Variants in ADARB2 observed in about 807,000 individuals in gnomAD.
ADARB2 encodes inactive double-stranded RNA-specific editase B2.
A neutral mutation model predicts 62.2 loss-of-function variants in ADARB2; 25 were observed. The ratio of observed to expected loss-of-function variants is 0.40; its 90% confidence interval spans 0.29 to 0.56. The LOEUF (loss-of-function observed/expected upper bound fraction) is 0.56. Among genes scored for constraint, ADARB2 ranks in the 20% least tolerant of loss-of-function variants. The probability of loss-of-function intolerance (pLI) is 0.43; values close to 1 mark genes in which losing one functional copy is unlikely to be tolerated. For missense variants in ADARB2, 1,071 were observed against 1,077.4 expected (o/e 0.99, Z 0.08); for synonymous variants, 572 against 500.8 (o/e 1.14, Z -1.90).
chr10:1,599,746 T>G (rs967439321), intron 1 of ADARB2, among the ~76,000 whole-genome samples: 2 of 152,116 alleles, frequency 1.3e-5, no homozygotes, highest in Admixed American at 1.3e-4. Context: ...AACTTTGTTT[T>G]TTTTCTCTTT....
chr10:1,640,221 G>A (rs10903518), intron 1 of ADARB2, among the ~76,000 whole-genome samples: 80,383 of 151,604 alleles, frequency 0.53, 23,129 homozygotes, highest in Non-Finnish European at 0.65. Context: ...TAGAAGTCTC[G>A]TTTTCCTTGG....
At chr10:1,192,582 C>G (rs1433943864) in intron 8 of ADARB2, among the ~76,000 whole-genome samples, 1 of 152,208 alleles carries the variant, frequency 6.6e-6, no homozygotes, top group Non-Finnish European at 1.5e-5. Flanking sequence ...ATAAAAAGTA[C>G]TATGGAGGCT....
intron 3 of ADARB2, among the ~76,000 whole-genome samples, chr10:1,329,162 C>T (rs1486931471): frequency 2.6e-5 from 4 of 152,196 alleles, no homozygotes; most frequent in Non-Finnish European, 5.9e-5. Context: ...CAAAGCACTG[C>T]GATATTACAT....
chr10:1,490,087 G>C (rs1831601281), intron 1 of ADARB2, among the ~76,000 whole-genome samples: 1 of 152,132 alleles, frequency 6.6e-6, no homozygotes, highest in Admixed American at 6.5e-5. Context: ...GCTGTCATCA[G>C]AGAATACATG....
intron 1 of ADARB2, among the ~76,000 whole-genome samples, chr10:1,544,532 C>G (rs540451626): frequency 1.7e-4 from 26 of 152,206 alleles, no homozygotes; most frequent in African/African-American, 6.3e-4. Flanking sequence ...GCAGGGTCTG[C>G]AGGGTTGGAG....
intron 1 of ADARB2, among the ~76,000 whole-genome samples, chr10:1,727,843 G>C (rs574107247): frequency 3.5e-4 from 53 of 152,272 alleles, no homozygotes; most frequent in Admixed American, 1.8e-3. Context: ...CTCACTCTTT[G>C]CCTGTCTCAC....
At chr10:1,684,583 TAACTA>T (rs1834577789) in intron 1 of ADARB2, among the ~76,000 whole-genome samples, 1 of 152,246 alleles carries the variant, frequency 6.6e-6, no homozygotes, top group African/African-American at 2.4e-5. Flanking sequence ...TCTTGTCCCT[TAACTA>T]AAGGTTTATA....
intron 3 of ADARB2, among the ~76,000 whole-genome samples, chr10:1,273,244 G>A (rs2131800211): frequency 6.6e-6 from 1 of 152,318 alleles, no homozygotes; most frequent in South Asian, 2.1e-4. Context: ...TGCTGTCAAG[G>A]GAGAGCGTGA....
intron 1 of ADARB2, among the ~76,000 whole-genome samples, chr10:1,718,026 A>G (rs556384404): frequency 1.9e-4 from 29 of 152,268 alleles, no homozygotes; most frequent in African/African-American, 6.7e-4. Flanking sequence ...TCACAAGCCT[A>G]TGAATAATAT....
intron 3 of ADARB2, among the ~76,000 whole-genome samples, chr10:1,311,143 T>A (rs529216321): frequency 6.6e-6 from 1 of 152,254 alleles, no homozygotes; most frequent in South Asian, 2.1e-4. Context: ...AGTGTTGCCT[T>A]TAAACAGTTG....
intron 1 of ADARB2, among the ~76,000 whole-genome samples, chr10:1,441,558 C>T (rs1428008509): frequency 6.6e-6 from 1 of 152,198 alleles, no homozygotes; most frequent in Non-Finnish European, 1.5e-5. Flanking sequence ...AACTCACATT[C>T]AATCCTTCCT....
At chr10:1,341,864 G>A (rs1244855948) in intron 3 of ADARB2, among the ~76,000 whole-genome samples, 3 of 151,736 alleles carry the variant, frequency 2.0e-5, no homozygotes, top group Non-Finnish European at 2.9e-5. Flanking sequence ...CCACAGCAGC[G>A]ATAACCAGCA....
intron 1 of ADARB2, among the ~76,000 whole-genome samples, chr10:1,692,729 A>T (rs1398215495): frequency 6.6e-6 from 1 of 152,192 alleles, no homozygotes; most frequent in Non-Finnish European, 1.5e-5. Context: ...TTTAAAAACA[A>T]TAAATACATT....
intron 1 of ADARB2, among the ~76,000 whole-genome samples, chr10:1,388,715 A>G (rs929549810): frequency 8.5e-5 from 13 of 152,216 alleles, no homozygotes; most frequent in Non-Finnish European, 1.5e-5. Flanking sequence ...AAATAAGTTT[A>G]AAAAGACCTC....
intron 1 of ADARB2, among the ~76,000 whole-genome samples, chr10:1,581,369 G>C (rs1235952537): frequency 7.2e-5 from 11 of 152,234 alleles, no homozygotes; most frequent in Admixed American, 7.2e-4. Flanking sequence ...TGCTGGTAGA[G>C]AAATGTCACC....
At chr10:1,288,079 T>C (rs1478115318) in intron 3 of ADARB2, among the ~76,000 whole-genome samples, 1 of 152,224 alleles carries the variant, frequency 6.6e-6, no homozygotes, top group Non-Finnish European at 1.5e-5. Context: ...TCTGAAGCCC[T>C]ACCCTAAAGG....
intron 1 of ADARB2, among the ~76,000 whole-genome samples, chr10:1,452,939 G>T (rs1831056817): frequency 6.6e-6 from 1 of 152,190 alleles, no homozygotes; most frequent in Non-Finnish European, 1.5e-5. Context: ...TTGTCACAAT[G>T]CATCCTGGTG....
intron 8 of ADARB2, among the ~76,000 whole-genome samples, chr10:1,192,805 T>C (rs927528913): frequency 6.6e-6 from 1 of 152,174 alleles, no homozygotes; most frequent in Non-Finnish European, 1.5e-5. Flanking sequence ...TTAGCCAGCC[T>C]GGTGGCGGGT....
At chr10:1,657,023 G>GTGTGTA (rs1834180830) in intron 1 of ADARB2, among the ~76,000 whole-genome samples, 1 of 151,738 alleles carries the variant, frequency 6.6e-6, no homozygotes, top group Non-Finnish European at 1.5e-5. Context: ...GTGTGTGTGT[G>GTGTGTA]TGTGTGGTGT....
Sources: gnomAD v4.1 joint callset for allele counts (sites outside exome capture counted in the v4.1 genomes callset) on GRCh38, gnomAD v4.1.1 for gene constraint, MANE v1.5 for transcripts, NCBI Gene and HGNC (gene_info 2026-07-23, HGNC 2026-07-21) for gene names.